PPP3CC: variants seen among roughly 807,000 people sequenced by gnomAD.
The protein encoded by PPP3CC is protein phosphatase 3 catalytic subunit gamma.
In PPP3CC, 35 loss-of-function variants were observed where a neutral mutation model predicts 60.3. The ratio of observed to expected loss-of-function variants is 0.58; its 90% CI spans 0.44 to 0.77. PPP3CC has a LOEUF of 0.77. PPP3CC is among the 30% of genes least tolerant of loss of function. The pLI is 0.00. For synonymous variants in PPP3CC, 206 were observed against 224.3 expected, an observed-to-expected ratio of 0.92 and a Z score of 0.73; for missense variants, 570 against 628.9, an observed-to-expected ratio of 0.91 and a Z score of 1.00.
chr8:22,516,679 G>T (rs1454655117), intron 6 of PPP3CC, among the ~76,000 whole-genome samples: 1 of 152,124 alleles, frequency 6.6e-6, no homozygotes, highest in African/African-American at 2.4e-5. Flanking sequence ...TCTTTTTGCA[G>T]CCCTCATGTT....
chr8:22,464,746 G>A (rs1396104282), intron 1 of PPP3CC, among the ~76,000 whole-genome samples: 3 of 152,094 alleles, frequency 2.0e-5, no homozygotes, highest in South Asian at 2.1e-4. Context: ...GCACATAGAC[G>A]TAGATAGTTG....
chr8:22,468,757 A>G (rs967010336), intron 1 of PPP3CC, among the ~76,000 whole-genome samples: 1 of 152,198 alleles, frequency 6.6e-6, no homozygotes, highest in Non-Finnish European at 1.5e-5. Context: ...GTGACGGGCC[A>G]TTTTTCCTTT....
intron 1 of PPP3CC, among the ~76,000 whole-genome samples, chr8:22,453,879 GGA>G (rs1837110947): frequency 6.6e-6 from 1 of 152,208 alleles, no homozygotes; most frequent in Non-Finnish European, 1.5e-5. Flanking sequence ...GTCCACCTGT[GGA>G]GGGCACTTAA....
chr8:22,523,979 C>T lies in PPP3CC; in HGVS notation c.943+1230C>T, dbSNP rs933816778. On this transcript the variant is annotated intron_variant, in intron 8 of 13. Coordinates refer to ENST00000240139, the MANE Select transcript of PPP3CC (RefSeq NM_005605.5). Reference sequence around the variant, plus strand: ...ACACAAAGCAAGGAGTCAGTCTAGTCCTGCTTCACTTTTAAGTGTGTCACA... The same window carrying T: ...ACACAAAGCAAGGAGTCAGTCTAGTTCTGCTTCACTTTTAAGTGTGTCACA... Among the ~76,000 whole-genome samples, 8 of 152,312 alleles carry T rather than the reference C, an allele frequency of 5.3e-5. No homozygotes were observed. In the East Asian group the frequency reaches 9.6e-4, roughly 18 times the overall value.
intron 12 of PPP3CC, among the ~76,000 whole-genome samples, chr8:22,536,730 G>T (rs1374969708): frequency 1.3e-5 from 2 of 152,162 alleles, no homozygotes; most frequent in East Asian, 3.9e-4. Context: ...TGGAGTCTCA[G>T]TTCCACCAGC....
At position 22,475,486 on chromosome 8, in the gene PPP3CC, GC is replaced by G; in HGVS notation, c.248-13del. ...GGTATAATTTCTCACATCACTTTAT[GC>G]TTTTTTTCCTAGTATGTGGTGATAT... On this transcript the variant is annotated splice_polypyrimidine_tract_variant and intron_variant, in intron 2 of 13. Coordinates refer to ENST00000240139, the MANE Select transcript of PPP3CC (RefSeq NM_005605.5). 1 of 1,603,108 alleles carries G rather than the reference GC, an allele frequency of 6.2e-7. No individual in the cohort carries two copies. The highest frequency in any genetic ancestry group is 8.5e-7 in the Non-Finnish European group (1 of 1,174,516).
intron 8 of PPP3CC, among the ~76,000 whole-genome samples, chr8:22,526,475 ATATTT>A (rs1382458740): frequency 7.2e-5 from 11 of 152,234 alleles, no homozygotes; most frequent in Non-Finnish European, 1.0e-4. Context: ...GCTAGAAACT[ATATTT>A]TAATTTATTT....
rs1837965426 is a variant in PPP3CC at position 22,478,465 on chromosome 8, G to C, written c.372+2841G>C. ...GCGCCCAGCCTAAAACAACTTTTTA[G>C]TGATAAATTATTATGCCAAATTATC... is the stretch of plus-strand genomic sequence containing the variant. On this transcript the variant is annotated intron_variant, in intron 3 of 13. Transcript: ENST00000240139. 1.3e-5 allele frequency among the ~76,000 whole-genome samples: 2 copies of C among 152,128 alleles called. 1 individual carries two copies. Among genetic ancestry groups the C allele is most frequent in the African/African-American group, 4.8e-5 (2 of 41,444 alleles).
intron 4 of PPP3CC, among the ~76,000 whole-genome samples, chr8:22,509,431 C>T (rs1001226662): frequency 2.0e-5 from 3 of 152,216 alleles, no homozygotes; most frequent in South Asian, 2.1e-4. Context: ...AAGGAGCTCA[C>T]GGTTCTGCAG....
chr8:22,495,939 T>C (rs1838566136), intron 3 of PPP3CC, among the ~76,000 whole-genome samples: 3 of 152,164 alleles, frequency 2.0e-5, no homozygotes, highest in Admixed American at 2.0e-4. Context: ...TACACAGTTC[T>C]TACCTACACC....
chr8:22,474,297 T>G (rs750081408), intron 1 of PPP3CC, among the ~76,000 whole-genome samples: 1 of 152,214 alleles, frequency 6.6e-6, no homozygotes, highest in African/African-American at 2.4e-5. Flanking sequence ...AACCATAGTT[T>G]CATTTTTAAC....
intron 1 of PPP3CC, among the ~76,000 whole-genome samples, chr8:22,452,389 A>C (rs1004715622): frequency 1.3e-5 from 2 of 152,096 alleles, no homozygotes; most frequent in South Asian, 2.1e-4. Flanking sequence ...TTCAAGATTT[A>C]GCCAAGGGGA....
At chr8:22,493,012 C>A in intron 3 of PPP3CC, 1 of 1,284,536 alleles carries the variant, frequency 7.8e-7, no homozygotes, top group South Asian at 1.2e-5. Flanking sequence ...GCACCACTTG[C>A]TACTGGAGAG....
intron 1 of PPP3CC, among the ~76,000 whole-genome samples, chr8:22,464,888 T>A (rs1471211706): frequency 1.3e-5 from 2 of 152,082 alleles, no homozygotes; most frequent in African/African-American, 4.8e-5. Flanking sequence ...CGAGGCAGAA[T>A]CTGCAAAATC....
intron 6 of PPP3CC, among the ~76,000 whole-genome samples, chr8:22,521,035 G>T (rs891897927): frequency 1.3e-5 from 2 of 152,162 alleles, no homozygotes; most frequent in African/African-American, 4.8e-5. Flanking sequence ...AGATTATGGG[G>T]CTACATTAGG....
In PPP3CC at chr8:22,496,383, CA is replaced by C. The variant is rs545960210; in HGVS notation, c.373-1617del. ...ATTCTTTCTTGCATGTTCATTTTTC[CA>C]TGTTAATTTTAGTGTCAACTTGTCT... On this transcript the variant is annotated intron_variant, in intron 3 of 13. Coordinates refer to ENST00000240139, the MANE Select transcript of PPP3CC (RefSeq NM_005605.5). Among the ~76,000 whole-genome samples, 52 of 150,622 alleles carry C rather than the reference CA, an allele frequency of 3.5e-4. 1 individual carries two copies. In the East Asian group the frequency reaches 0.01, roughly 29 times the overall value.
At chr8:22,515,913 C>CTTTATTTTATTTTATTTTATTTTAT (rs71206525) in intron 6 of PPP3CC, among the ~76,000 whole-genome samples, 4 of 144,564 alleles carry the variant, frequency 2.8e-5, no homozygotes, top group African/African-American at 1.1e-4. Flanking sequence ...CTTTCTTCTT[C>CTTTATTTTATTTTATTTTATTTTAT]TTTATTTTAT....
intron 4 of PPP3CC, among the ~76,000 whole-genome samples, chr8:22,499,427 C>A (rs1311037175): frequency 1.4e-5 from 2 of 144,236 alleles, no homozygotes; most frequent in Non-Finnish European, 3.0e-5. Flanking sequence ...GCCTGGGCAA[C>A]AGAGCAAGAC....
At chr8:22,503,524 AT>A (rs894237681) in intron 4 of PPP3CC, among the ~76,000 whole-genome samples, 3 of 151,814 alleles carry the variant, frequency 2.0e-5, no homozygotes, top group Admixed American at 1.3e-4. Context: ...GTCTTATCAG[AT>A]TTTTTTTATT....
Sources: gnomAD v4.1 joint callset for allele counts (sites outside exome capture counted in the v4.1 genomes callset) on GRCh38, gnomAD v4.1.1 for gene constraint, MANE v1.5 for transcripts, NCBI Gene and HGNC (gene_info 2026-07-23, HGNC 2026-07-21) for gene names.